The following KHDRBS3 variants were observed in gnomAD, a reference collection of about 807,000 sequenced individuals.
KHDRBS3 encodes KH RNA binding domain containing, signal transduction associated 3.
Under a neutral mutation model 45.6 loss-of-function variants are expected in KHDRBS3, and 23 were observed. The ratio of observed to expected loss-of-function variants is 0.50; its 90% CI spans 0.36 to 0.72. The LOEUF is 0.72. KHDRBS3 is among the 30% of genes least tolerant of loss of function. The pLI is 0.00. For missense variants in KHDRBS3, 352 were observed against 424.8 expected, an observed-to-expected ratio of 0.83 and a Z score of 1.51; for synonymous variants, 162 against 156.5, an observed-to-expected ratio of 1.04 and a Z score of -0.26.
intron 7 of KHDRBS3, among the ~76,000 whole-genome samples, chr8:135,608,486 G>A (rs1220000713): frequency 9.2e-5 from 14 of 152,320 alleles, no homozygotes; most frequent in African/African-American, 3.1e-4. Context: ...CTATAAAGCT[G>A]ATGGTATTGC....
At chr8:135,622,345 T>G (rs1830182022) in intron 7 of KHDRBS3, among the ~76,000 whole-genome samples, 1 of 152,148 alleles carries the variant, frequency 6.6e-6, no homozygotes, top group South Asian at 2.1e-4. Flanking sequence ...ATACTATAAG[T>G]GTCGTAGTTT....
intron 4 of KHDRBS3, among the ~76,000 whole-genome samples, chr8:135,551,458 G>A (rs1013943074): frequency 2.6e-5 from 4 of 152,134 alleles, no homozygotes; most frequent in African/African-American, 9.7e-5. Flanking sequence ...ATGAATAAAT[G>A]TATAAACATG....
At chr8:135,648,739 G>A (rs951585576), downstream of KHDRBS3, 1 of 152,096 alleles carries the variant, frequency 6.6e-6, no homozygotes, top group Non-Finnish European at 1.5e-5. Context: ...TAACTCCAAA[G>A]GTCAGAAAAG....
intron 2 of KHDRBS3, among the ~76,000 whole-genome samples, chr8:135,530,913 A>G (rs994439908): frequency 7.2e-5 from 11 of 152,012 alleles, no homozygotes; most frequent in Non-Finnish European, 1.6e-4. Flanking sequence ...CCCTTACCCT[A>G]TCGATTGCAA....
intron 1 of KHDRBS3, among the ~76,000 whole-genome samples, chr8:135,494,765 A>T: frequency 6.6e-6 from 1 of 152,190 alleles, no homozygotes; most frequent in African/African-American, 2.4e-5. Context: ...TAGTGGGTTC[A>T]AGAGAATGTC....
intron 2 of KHDRBS3, among the ~76,000 whole-genome samples, chr8:135,536,769 G>C (rs1333407141): frequency 6.6e-6 from 1 of 150,500 alleles, no homozygotes; most frequent in African/African-American, 2.5e-5. Flanking sequence ...GACCATCCTG[G>C]CTAACAAGGT....
intron 1 of KHDRBS3, among the ~76,000 whole-genome samples, chr8:135,516,292 G>A (rs1311606332): frequency 1.3e-5 from 2 of 152,188 alleles, no homozygotes; most frequent in African/African-American, 4.8e-5. Context: ...GTTGAGTGGT[G>A]AGTGAATATG....
chr8:135,575,203 CATATT>C (rs1395991079), intron 5 of KHDRBS3, among the ~76,000 whole-genome samples: 2 of 152,314 alleles, frequency 1.3e-5, no homozygotes, highest in South Asian at 2.1e-4. Flanking sequence ...CTGCATTAGA[CATATT>C]ATATTAGGAT....
rs549995865 is a variant in KHDRBS3 at position 135,484,279 on chromosome 8, G to A, written c.88+26325G>A. On this transcript the variant is annotated intron_variant, in intron 1 of 8. Transcript: ENST00000355849. ...GTTTCCCAGCCAAGATAAGATGGAA[G>A]GCTGATCACGCCTTAGTACACTCCC... 2.6e-5 allele frequency among the ~76,000 whole-genome samples: 4 copies of A among 152,350 alleles called. No homozygotes were observed. In the South Asian group the frequency reaches 8.3e-4, roughly 32 times the overall value.
intron 5 of KHDRBS3, among the ~76,000 whole-genome samples, chr8:135,573,225 C>T (rs181348403): frequency 6.6e-6 from 1 of 152,324 alleles, no homozygotes; most frequent in East Asian, 1.9e-4. Flanking sequence ...GCAGTCAGGG[C>T]ATCTACCACT....
chr8:135,567,378 A>G (rs113889013), intron 5 of KHDRBS3, among the ~76,000 whole-genome samples: 3 of 152,262 alleles, frequency 2.0e-5, no homozygotes, highest in Admixed American at 6.5e-5. Context: ...GTATATTTTC[A>G]TTAGTATATT....
intron 7 of KHDRBS3, among the ~76,000 whole-genome samples, chr8:135,619,756 A>T (rs535793834): frequency 6.6e-6 from 1 of 152,224 alleles, no homozygotes; most frequent in Non-Finnish European, 1.5e-5. Context: ...ACAATACAGG[A>T]TACATACACA....
intron 4 of KHDRBS3, 110 bp from the exon 5 acceptor site, chr8:135,557,338 C>A: frequency 6.0e-6 from 3 of 500,716 alleles, no homozygotes; most frequent in Non-Finnish European, 6.7e-6. Flanking sequence ...TTTGTAAATT[C>A]AACTATTTTC....
chr8:135,626,728 C>T (rs970609909), intron 7 of KHDRBS3, among the ~76,000 whole-genome samples: 5 of 141,180 alleles, frequency 3.5e-5, no homozygotes, highest in Admixed American at 1.6e-4. Context: ...GGCGTGAACC[C>T]GGGAGGCGGA....
chr8:135,479,882 T>C (rs1361430702), intron 1 of KHDRBS3, among the ~76,000 whole-genome samples: 2 of 152,176 alleles, frequency 1.3e-5, no homozygotes. Flanking sequence ...TCAGTATCTC[T>C]TATGAATTTA....
intron 1 of KHDRBS3, among the ~76,000 whole-genome samples, chr8:135,515,264 G>T (rs1824519423): frequency 6.6e-6 from 1 of 150,706 alleles, no homozygotes; most frequent in Non-Finnish European, 1.5e-5. Flanking sequence ...TACTGGGGAG[G>T]CTGAGGTAGG....
At chr8:135,564,442 G>A (rs1046437974) in intron 5 of KHDRBS3, among the ~76,000 whole-genome samples, 11 of 152,258 alleles carry the variant, frequency 7.2e-5, no homozygotes, top group African/African-American at 2.4e-4. Flanking sequence ...TCAAACAGCT[G>A]CAATGTTGTT....
At chr8:135,604,063 T>C (rs898282335) in intron 6 of KHDRBS3, among the ~76,000 whole-genome samples, 1 of 152,144 alleles carries the variant, frequency 6.6e-6, no homozygotes, top group African/African-American at 2.4e-5. Context: ...TCTGGTAGTT[T>C]TGCTTCATGT....
Position 135,463,176 on chromosome 8 carries a change from G to C in KHDRBS3, c.88+5222G>C, listed in dbSNP as rs182735686. The stretch of plus-strand genomic sequence containing the variant: ...GTGAGTTCCTCGGAAGACAGGGCCT[G>C]GTCTTTCCTCTGTATCTTCAGCACC... On this transcript the variant is annotated intron_variant, in intron 1 of 8. Coordinates refer to ENST00000355849, the MANE Select transcript of KHDRBS3 (RefSeq NM_006558.3). Among the ~76,000 whole-genome samples the C allele has an allele frequency of 8.9e-4, 135 of 152,210 alleles. 2 individuals carry two copies. Among genetic ancestry groups the C allele is most frequent in the African/African-American group, 3.1e-3 (129 of 41,534 alleles).
Sources: gnomAD v4.1 joint callset for allele counts (sites outside exome capture counted in the v4.1 genomes callset) on GRCh38, gnomAD v4.1.1 for gene constraint, MANE v1.5 for transcripts, NCBI Gene and HGNC (gene_info 2026-07-23, HGNC 2026-07-21) for gene names.